Variants in GCNT1 observed in about 807,000 individuals in gnomAD.
GCNT1 encodes beta-1,3-galactosyl-O-glycosyl-glycoprotein beta-1,6-N-acetylglucosaminyltransferase.
GCNT1 carries 16 observed loss-of-function variants against 26.2 expected under a neutral mutation model. That is an observed-to-expected ratio of 0.61 (90% CI 0.41 to 0.93). The LOEUF is 0.93. Ranked by LOEUF, GCNT1 falls within the 40% of genes least tolerant of loss-of-function variation. The probability of loss-of-function intolerance (pLI) is 0.00; values close to 1 mark genes in which losing one functional copy is unlikely to be tolerated. For synonymous variants in GCNT1, 183 were observed against 190.8 expected (o/e 0.96, Z 0.34); for missense variants, 477 against 526.7 (o/e 0.91, Z 0.92).
At position 76,504,899 on chromosome 9, in the gene GCNT1, T is replaced by C. The variant is rs2131651351; in HGVS notation, c.*1231T>C. On this transcript the variant is annotated 3_prime_UTR_variant, in exon 4 of 4. Transcript: ENST00000376730. ...GTTGGAAGGCCTGGGGAGGGAACTT[T>C]GGGTTTGGGACAGATTTTTTTTTTT... The C allele has an allele frequency of 2.4e-6, 1 of 413,066 alleles. No homozygotes were observed. Among genetic ancestry groups the C allele is most frequent in the South Asian group, 1.3e-4 (1 of 7,822 alleles). 25.6% of individuals were successfully genotyped at this position (413,066 alleles called of 1,614,324 possible).
chr9:76,436,019 G>A (rs542962321), intron 1 of GCNT1, among the ~76,000 whole-genome samples: 32 of 140,162 alleles, frequency 2.3e-4, no homozygotes, highest in African/African-American at 7.7e-4. Flanking sequence ...GCAGTGGCAC[G>A]ATCTCGGCTC....
chr9:76,485,514 C>A (rs948197744), intron 2 of GCNT1, among the ~76,000 whole-genome samples: 1 of 152,166 alleles, frequency 6.6e-6, no homozygotes, highest in Non-Finnish European at 1.5e-5. Context: ...ATTCTGAACT[C>A]TACCTTAGTT....
chr9:76,397,191 AGAAT>A, the GCNT1 span, among the ~76,000 whole-genome samples: 1 of 152,188 alleles, frequency 6.6e-6, no homozygotes, highest in Non-Finnish European at 1.5e-5. Context: ...CTGGGGCGGA[AGAAT>A]CGCTTGAACC....
chr9:76,395,594 A>G, the GCNT1 span, among the ~76,000 whole-genome samples: 2 of 151,990 alleles, frequency 1.3e-5, no homozygotes, highest in Admixed American at 1.3e-4. Context: ...CACCCCTTAA[A>G]AGAACTAGAG....
At chr9:76,402,890 G>T in the GCNT1 span, among the ~76,000 whole-genome samples, 1 of 152,136 alleles carries the variant, frequency 6.6e-6, no homozygotes, top group South Asian at 2.1e-4. Flanking sequence ...CTGTTGGCCA[G>T]GTTGGTCTCA....
chr9:76,500,595 A>G (rs1354087967), intron 2 of GCNT1, among the ~76,000 whole-genome samples: 1 of 152,076 alleles, frequency 6.6e-6, no homozygotes, highest in Non-Finnish European at 1.5e-5. Flanking sequence ...ACAGTGGGGG[A>G]AAGGATATGT....
intron 2 of GCNT1, among the ~76,000 whole-genome samples, chr9:76,500,232 T>G (rs1489046210): frequency 1.3e-5 from 2 of 152,194 alleles, no homozygotes; most frequent in African/African-American, 4.8e-5. Context: ...GTTGTTTTTG[T>G]TATTTGTTTA....
upstream of GCNT1, among the ~76,000 whole-genome samples, chr9:76,417,595 A>C (rs567773299): frequency 5.9e-5 from 9 of 152,332 alleles, no homozygotes; most frequent in South Asian, 1.9e-3. Context: ...GTTAATAGCT[A>C]GCTGAATTCA....
chr9:76,408,188 G>A, the GCNT1 span, among the ~76,000 whole-genome samples: 5 of 152,128 alleles, frequency 3.3e-5, no homozygotes, highest in African/African-American at 1.2e-4. Context: ...GTGGTAAGAG[G>A]GGAAATCTTT....
In GCNT1 at chr9:76,447,816, G is replaced by A. The variant is rs144129005; in HGVS notation, c.-290+5501G>A. On this transcript the variant is annotated intron_variant, in intron 1 of 2. Coordinates refer to the GCNT1 transcript ENST00000442371. ...ACTCTGTGAGCCCCCTGGCTCATCC[G>A]TCTTCTTTAGCATGTCAGTCCACAA... Among the ~76,000 whole-genome samples, 505 of 152,258 alleles carry A rather than the reference G, an allele frequency of 3.3e-3. 2 individuals carry two copies. The highest frequency in any genetic ancestry group is 5.0e-3 in the Non-Finnish European group (337 of 68,026).
At chr9:76,449,557 AC>A (rs1308881690) in intron 1 of GCNT1, among the ~76,000 whole-genome samples, 2 of 152,100 alleles carry the variant, frequency 1.3e-5, no homozygotes, top group African/African-American at 4.8e-5. Flanking sequence ...AACACACCTC[AC>A]TAAACAAGCC....
At chr9:76,471,033 C>T (rs1396816466) in intron 2 of GCNT1, among the ~76,000 whole-genome samples, 2 of 152,212 alleles carry the variant, frequency 1.3e-5, no homozygotes, top group Non-Finnish European at 2.9e-5. Context: ...ACACATTTCT[C>T]ACATCTGTTA....
At chr9:76,477,071 C>T (rs939905348) in intron 2 of GCNT1, among the ~76,000 whole-genome samples, 42 of 151,944 alleles carry the variant, frequency 2.8e-4, no homozygotes, top group Admixed American at 1.4e-3. Flanking sequence ...TGCACCACCA[C>T]GCCTGGCTAA....
At chr9:76,400,875 G>T in the GCNT1 span, among the ~76,000 whole-genome samples, 1 of 152,204 alleles carries the variant, frequency 6.6e-6, no homozygotes, top group African/African-American at 2.4e-5. Flanking sequence ...GGGATGTGCA[G>T]TAAACAAGCC....
At position 76,506,668 on chromosome 9, in the gene GCNT1, AT is replaced by A. The variant is rs1458621024; in HGVS notation, c.*3004del. 2 of 167,062 alleles carry A rather than the reference AT, an allele frequency of 1.2e-5. No individual in the cohort carries two copies. Among genetic ancestry groups the A allele is most frequent in the African/African-American group, 4.8e-5 (2 of 41,460 alleles). 10.3% of individuals were successfully genotyped at this position (167,062 alleles called of 1,614,324 possible). The stretch of plus-strand genomic sequence containing the variant: ...AAAGAGTTAATAAAAATTGTTCTTT[AT>A]TTTACAGGCAGTTACTGAGGCTCTT... On this transcript the variant is annotated 3_prime_UTR_variant, in exon 4 of 4. Coordinates refer to ENST00000376730, the MANE Select transcript of GCNT1 (RefSeq NM_001490.5).
intron 2 of GCNT1, among the ~76,000 whole-genome samples, chr9:76,499,380 A>T (rs1224239600): frequency 6.6e-6 from 1 of 152,064 alleles, no homozygotes; most frequent in Non-Finnish European, 1.5e-5. Flanking sequence ...CGCCCACCTC[A>T]GCTTCCCAAA....
chr9:76,438,719 T>C (rs1823441534), upstream of GCNT1, among the ~76,000 whole-genome samples: 1 of 151,482 alleles, frequency 6.6e-6, no homozygotes. Context: ...TTCCAATCTT[T>C]TGGCTTCCCT....
At chr9:76,415,537 G>A (rs1291409853), upstream of GCNT1, among the ~76,000 whole-genome samples, 1 of 152,134 alleles carries the variant, frequency 6.6e-6, no homozygotes, top group Non-Finnish European at 1.5e-5. Context: ...TTAATTCATG[G>A]CCTAGCCAAA....
the GCNT1 span, among the ~76,000 whole-genome samples, chr9:76,398,371 T>C: frequency 6.6e-6 from 1 of 152,198 alleles, no homozygotes; most frequent in Non-Finnish European, 1.5e-5. Flanking sequence ...AATGAGATAC[T>C]ACTATATACC....
Sources: allele counts gnomAD v4.1 joint callset (sites outside exome capture counted in the v4.1 genomes callset), GRCh38; gene constraint gnomAD v4.1.1; transcripts MANE v1.5; gene names NCBI Gene and HGNC (gene_info 2026-07-23, HGNC 2026-07-21).